The following PAX2 variants were observed in gnomAD, a reference collection of about 807,000 sequenced individuals.
PAX2 encodes paired box 2.
In PAX2, 9 loss-of-function variants were observed where a neutral mutation model predicts 41.7. The ratio of observed to expected loss-of-function variants is 0.22; its 90% CI spans 0.13 to 0.38. The LOEUF (loss-of-function observed/expected upper bound fraction) is 0.38, where lower values mean the gene tolerates loss of function less well. Among genes scored for constraint, PAX2 ranks in the 10% least tolerant of loss-of-function variants. PAX2 has a pLI of 1.00. For synonymous variants in PAX2, 221 were observed against 212.7 expected (o/e 1.04, Z -0.34); for missense variants, 418 against 531.6 (o/e 0.79, Z 2.10).
In PAX2 at chr10:100,746,268, T is replaced by G; in HGVS notation, c.8T>G (p.Met3Arg). The change falls in exon 1 of 10, where the codon ATG becomes AGG. Residue 3 changes from methionine to arginine, a missense_variant. This residue lies in a region of PAX2 where 108 missense variants were observed against 206.3 expected (regional missense o/e 0.52). Transcript: ENST00000355243. MD[M>R]HCKADPFSAM... ...CCGCTCCTCTGCCTCCCCATGGATA[T>G]GCACTGCAAAGCAGACCCCTTCTCC... 3 of 1,613,544 alleles carry G rather than the reference T, an allele frequency of 1.9e-6. No individual in the cohort carries two copies. Among genetic ancestry groups the G allele is most frequent in the Non-Finnish European group, 2.5e-6 (3 of 1,179,640 alleles).
intron 6 of PAX2, 93 bp from the exon 7 acceptor site, chr10:100,809,017 C>T (rs556496510): frequency 7.6e-6 from 9 of 1,180,710 alleles, no homozygotes; most frequent in East Asian, 4.7e-5. Context: ...CCCATCTGGG[C>T]GGGCTCCCCT....
rs1274112322 is a variant in PAX2 at position 100,824,391 on chromosome 10, CACACAA to C, written c.920-255_920-250del. ...ACACACACACACACACACACACACA[CACACAA>C]ATACACAGAGACACAAAGAGCTACA... On this transcript the variant is annotated intron_variant, in intron 7 of 9. Coordinates refer to ENST00000355243, the MANE Select transcript of PAX2 (RefSeq NM_000278.5). This position sits in a 1 kb window ranked among gnomAD's most constrained non-coding sequence, Gnocchi z 6.6. 6.8e-6 allele frequency among the ~76,000 whole-genome samples: 1 copy of C among 147,762 alleles called. No homozygotes were observed. Among genetic ancestry groups the C allele is most frequent in the East Asian group, 2.0e-4 (1 of 5,096 alleles).
intron 3 of PAX2, among the ~76,000 whole-genome samples, chr10:100,753,734 C>A (rs1845531816): frequency 6.6e-6 from 1 of 152,208 alleles, no homozygotes; most frequent in Non-Finnish European, 1.5e-5. Context: ...ATGCTGTCGC[C>A]ACACTTGAAA....
intron 3 of PAX2, among the ~76,000 whole-genome samples, chr10:100,778,595 A>G (rs953231227): frequency 6.6e-6 from 1 of 152,120 alleles, no homozygotes. Context: ...GTGGCTTCCA[A>G]AGGCCCCTCA....
At chr10:100,742,656 T>C (rs989734656), upstream of PAX2, among the ~76,000 whole-genome samples, 1 of 151,690 alleles carries the variant, frequency 6.6e-6, no homozygotes. Context: ...GCGGGCTCCT[T>C]GTTTGAAGTG....
Position 100,750,582 on chromosome 10 carries a change from C to A in PAX2, c.213-112C>A. The A allele has an allele frequency of 1.1e-6, 1 of 947,120 alleles. No homozygotes were observed. Among genetic ancestry groups the A allele is most frequent in the South Asian group, 1.5e-5 (1 of 68,652 alleles). The allele number at this position is 947,120 out of a possible 1,614,324, so 58.7% of individuals were successfully genotyped here. On this transcript the variant is annotated intron_variant, in intron 2 of 9. Transcript: ENST00000355243. The surrounding 1 kb of genome is among the most constrained non-coding windows in gnomAD (Gnocchi z 4.1). ...TCAGCCACACTGGGCCTTTTCCCTC[C>A]ACTCCGCTGCCTCGGCCGGGCAGGA...
Position 100,826,859 on chromosome 10 carries a change from G to A in PAX2, c.1022-150G>A. 1.5e-6 allele frequency: 1 copy of A among 645,162 alleles called. No homozygotes were observed. The highest frequency in any genetic ancestry group is 1.7e-5 in the South Asian group (1 of 57,518). The allele number at this position is 645,162 out of a possible 1,614,324, so 40.0% of individuals were successfully genotyped here. On this transcript the variant is annotated intron_variant, in intron 8 of 9. Transcript: ENST00000355243. The surrounding 1 kb of genome is among the most constrained non-coding windows in gnomAD (Gnocchi z 5.5). ...CGGACGCGGTGATCGCCCCACCTCC[G>A]CCCGGCCCGCCCGCCACGGCCATTA...
chr10:100,735,703 C>T (rs909919388), exon 1 of PAX2: 6 of 1,054,570 alleles, frequency 5.7e-6, no homozygotes, highest in East Asian at 1.0e-4. Context: ...CCGCGGGGAG[C>T]CTAGCATGGA....
intron 3 of PAX2, among the ~76,000 whole-genome samples, chr10:100,772,183 C>A (rs1476649116): frequency 1.3e-5 from 2 of 152,138 alleles, no homozygotes; most frequent in Non-Finnish European, 2.9e-5. Flanking sequence ...GCAATGGCAC[C>A]ATCTCAGCTC....
At chr10:100,758,853 A>T (rs905356800) in intron 3 of PAX2, among the ~76,000 whole-genome samples, 2 of 152,228 alleles carry the variant, frequency 1.3e-5, no homozygotes, top group African/African-American at 4.8e-5. Flanking sequence ...GTGGAAGGGG[A>T]TGGGACATTT....
intron 3 of PAX2, among the ~76,000 whole-genome samples, chr10:100,754,941 A>C (rs1845578026): frequency 6.6e-6 from 1 of 152,126 alleles, no homozygotes; most frequent in African/African-American, 2.4e-5. Context: ...GTTCAGAAAA[A>C]GACTTCTATC....
upstream of PAX2, among the ~76,000 whole-genome samples, chr10:100,742,843 CTTTTTTTTTTTTTTTTTTTTTTTT>C (rs61627823): frequency 2.4e-4 from 10 of 41,258 alleles, no homozygotes; most frequent in East Asian, 8.9e-4. Flanking sequence ...TTCTTTCTTC[CTTTTTTTTTTTTTTTTTTTTTTTT>C]TTTTTTTTTT....
At position 100,805,018 on chromosome 10, in the gene PAX2, TCACATACACA is replaced by T. The variant is rs1228571197; in HGVS notation, c.617-1407_617-1398del. Among the ~76,000 whole-genome samples, 13 of 32,894 alleles carry T rather than the reference TCACATACACA, an allele frequency of 4.0e-4. No individual in the cohort carries two copies. The South Asian group carries it at 5.6e-3, about 14-fold the overall frequency. The allele number at this position is 32,894 out of a possible 152,430, so 21.6% of individuals were successfully genotyped here. A position where few individuals can be genotyped will look rare whatever the true frequency, so the allele number is the denominator to read the frequency against. On this transcript the variant is annotated intron_variant, in intron 5 of 9. Coordinates refer to ENST00000355243, the MANE Select transcript of PAX2 (RefSeq NM_000278.5). The stretch of plus-strand genomic sequence containing the variant: ...CTCTCCTTCTCTCTCTCTCTCTCTC[TCACATACACA>T]CACACACACACACACACACACACAC...
At chr10:100,772,034 C>T (rs557238838) in intron 3 of PAX2, among the ~76,000 whole-genome samples, 4 of 147,244 alleles carry the variant, frequency 2.7e-5, no homozygotes, top group East Asian at 2.1e-4. Flanking sequence ...CTTGAACTTC[C>T]GACCTCATGA....
At chr10:100,801,102 C>T (rs1371812872) in intron 5 of PAX2, among the ~76,000 whole-genome samples, 2 of 152,156 alleles carry the variant, frequency 1.3e-5, no homozygotes, top group Admixed American at 6.5e-5. Context: ...GCTGGGCAGG[C>T]AGCCACTCTG....
chr10:100,746,017 C>A lies in PAX2; in HGVS notation c.-244C>A. On this transcript the variant is annotated 5_prime_UTR_variant, in exon 1 of 10. Transcript: ENST00000355243. ...CGCCCCGGGGCCATTCTGCTGACCG[C>A]CCAGCCCCGAGCCCCGACAGTGGCA... The A allele has an allele frequency of 1.4e-6, 2 of 1,413,050 alleles. No homozygotes were observed. Among genetic ancestry groups the A allele is most frequent in the Non-Finnish European group, 1.8e-6 (2 of 1,090,474 alleles). The allele number at this position is 1,413,050 out of a possible 1,614,324, so 87.5% of individuals were successfully genotyped here.
chr10:100,736,996 C>A (rs1844795369), intron 1 of PAX2, among the ~76,000 whole-genome samples: 1 of 152,162 alleles, frequency 6.6e-6, no homozygotes, highest in African/African-American at 2.4e-5. Flanking sequence ...TCCTGAGAAC[C>A]TCTCTCCCCT....
chr10:100,802,668 C>T (rs1390834183), intron 5 of PAX2, among the ~76,000 whole-genome samples: 1 of 152,138 alleles, frequency 6.6e-6, no homozygotes, highest in Admixed American at 6.5e-5. Flanking sequence ...GGGGCCATTC[C>T]TGATGCTGGA....
chr10:100,827,561 G>A lies in PAX2; in HGVS notation c.1127G>A (p.Ser376Asn), dbSNP rs1408946887. The A allele has an allele frequency of 6.2e-7, 1 of 1,613,926 alleles. No individual in the cohort carries two copies. Among genetic ancestry groups the A allele is most frequent in the South Asian group, 1.1e-5 (1 of 91,072 alleles). Residue 376 changes from serine (S) to asparagine (N), a missense_variant, in exon 10 of 10, where the codon AGT becomes AAT. By Grantham distance (46) the Ser-to-Asn change is conservative. This residue lies in a region of PAX2 where 310 missense variants were observed against 325.2 expected (regional missense o/e 0.95). Transcript: ENST00000355243. The surrounding 1 kb of genome is among the most constrained non-coding windows in gnomAD (Gnocchi z 8.5). ...PALLSSPYYY[S>N]AAPRGSAPAA... ...CTTCCAGGTTCCCCTTATTATTATAGTGCCGCCCCCCGGGGCTCCGCCCCT... is the reference window on the plus strand; with the variant it reads ...CTTCCAGGTTCCCCTTATTATTATAATGCCGCCCCCCGGGGCTCCGCCCCT...
Sources: gnomAD v4.1 joint callset for allele counts (sites outside exome capture counted in the v4.1 genomes callset) on GRCh38, gnomAD v4.1.1 for gene constraint, gnomAD v4.1.1 regional missense constraint, Gnocchi (gnomAD v3.1) non-coding constraint, MANE v1.5 for transcripts, NCBI Gene and HGNC (gene_info 2026-07-23, HGNC 2026-07-21) for gene names.